The following KHSRP variants were observed in gnomAD, a reference collection of about 807,000 sequenced individuals.
KHSRP encodes KH-type splicing regulatory protein, also known as far upstream element-binding protein 2.
In KHSRP, 13 loss-of-function variants were observed where a neutral mutation model predicts 94.9. The observed-to-expected ratio is 0.14, with a 90% CI of 0.09 to 0.22. The LOEUF is 0.22. Ranked by LOEUF, KHSRP falls within the 10% of genes least tolerant of loss-of-function variation. The pLI is 1.00. For missense variants in KHSRP, 710 were observed against 1,010.0 expected, an observed-to-expected ratio of 0.70 and a Z score of 4.03; for synonymous variants, 495 against 401.4, an observed-to-expected ratio of 1.23 and a Z score of -2.79.
chr19:6,420,227 A>T lies in KHSRP; in HGVS notation c.476-83T>A, dbSNP rs2092186976. ...CAGGAGACTGTGTGGCCGGGGCCCCAGCCCCTCTGACGTTCAGGAGGGCAG... is the reference window on the plus strand; with the variant it reads ...CAGGAGACTGTGTGGCCGGGGCCCCTGCCCCTCTGACGTTCAGGAGGGCAG... On this transcript the variant is annotated intron_variant, in intron 5 of 18. Coordinates refer to ENST00000600480, the MANE Select transcript of KHSRP (RefSeq NM_001366299.1). 6.8e-6 allele frequency: 9 copies of T among 1,327,544 alleles called. No homozygotes were observed. In the East Asian group the frequency reaches 2.2e-4, roughly 32 times the overall value. The allele number at this position is 1,327,544 out of a possible 1,614,324, so 82.2% of individuals were successfully genotyped here.
rs2092150887 is a variant in KHSRP at position 6,416,891 on chromosome 19, C to CAAG, written c.1183-12_1183-10dup. ...GGACCTGGGGGACCACTCTGCAAGACAAGAGGAGGAGGAGGATGATGAACC... is the reference window on the plus strand; with the variant it reads ...GGACCTGGGGGACCACTCTGCAAGACAAGAAGAGGAGGAGGAGGATGATGAACC... On this transcript the variant is annotated splice_polypyrimidine_tract_variant and intron_variant, in intron 12 of 18. Coordinates refer to ENST00000600480, the MANE Select transcript of KHSRP (RefSeq NM_001366299.1). The CAAG allele has an allele frequency of 6.2e-7, 1 of 1,612,014 alleles. No individual in the cohort carries two copies. The highest frequency in any genetic ancestry group is 1.1e-5 in the South Asian group (1 of 91,010).
Position 6,413,935 on chromosome 19 carries a change from A to G in KHSRP, c.*1089T>C. 1 of 741,696 alleles carries G rather than the reference A, an allele frequency of 1.3e-6. No homozygotes were observed. Among genetic ancestry groups the G allele is most frequent in the Admixed American group, 3.2e-5 (1 of 30,800 alleles). The allele number at this position is 741,696 out of a possible 1,614,324, so 45.9% of individuals were successfully genotyped here. On this transcript the variant is annotated 3_prime_UTR_variant, in exon 19 of 19. Transcript: ENST00000600480. ...AAGCATGTGAGACACAGAACAGGCGAGAGAGTGAGGGCCCGGCATGCCCCC... is the reference window on the plus strand; with the variant it reads ...AAGCATGTGAGACACAGAACAGGCGGGAGAGTGAGGGCCCGGCATGCCCCC...
chr19:6,418,975 G>A lies in KHSRP; in HGVS notation c.606-99C>T. 2 of 1,305,852 alleles carry A rather than the reference G, an allele frequency of 1.5e-6. No homozygotes were observed. Among genetic ancestry groups the A allele is most frequent in the Non-Finnish European group, 1.0e-6 (1 of 976,110 alleles). The allele number at this position is 1,305,852 out of a possible 1,614,324, so 80.9% of individuals were successfully genotyped here. A position where few individuals can be genotyped will look rare whatever the true frequency, so the allele number is the denominator to read the frequency against. On this transcript the variant is annotated intron_variant, in intron 7 of 18. Transcript: ENST00000600480. This position sits in a 1 kb window ranked among gnomAD's most constrained non-coding sequence, Gnocchi z 4.3. ...CTCAAAGGGAAGGCGACCCCAGAGT[G>A]TGCAAGGATGACAGGGAAGAGGGGC... is the stretch of plus-strand genomic sequence containing the variant.
At chr19:6,419,119 T>G in intron 7 of KHSRP, 84 bp downstream of exon 7, 1 of 1,356,180 alleles carries the variant, frequency 7.4e-7, no homozygotes, top group South Asian at 1.3e-5. Flanking sequence ...GGCGTGCAAG[T>G]TGCTCCCAAC....
rs779028251 is a variant in KHSRP, at chr19:6,415,760, G to A, written c.1688-26C>T. ...CTGCAGGAGATACCTCGGGTGAGACGGGGGGACAGAACAGGGCCTGCCCTC... is the reference window on the plus strand; with the variant it reads ...CTGCAGGAGATACCTCGGGTGAGACAGGGGGACAGAACAGGGCCTGCCCTC... On this transcript the variant is annotated intron_variant, in intron 16 of 18. Coordinates refer to ENST00000600480, the MANE Select transcript of KHSRP (RefSeq NM_001366299.1). 5.2e-5 allele frequency: 81 copies of A among 1,551,372 alleles called. 1 individual carries two copies. In the East Asian group the frequency reaches 7.1e-4, roughly 14 times the overall value.
At chr19:6,421,235 G>T in intron 4 of KHSRP, 43 bp downstream of exon 4, 2 of 1,554,466 alleles carry the variant, frequency 1.3e-6, no homozygotes, top group South Asian at 2.4e-5. Flanking sequence ...CCAGTCTGCT[G>T]GCCAACAGAC....
Position 6,413,966 on chromosome 19 carries a change from C to A in KHSRP, c.*1058G>T, listed in dbSNP as rs2092120448. The stretch of plus-strand genomic sequence containing the variant: ...TGAGGGCCCGGCATGCCCCCAAGTC[C>A]CCCCCACCCTGCTTGCCGCGAGGGC... On this transcript the variant is annotated 3_prime_UTR_variant, in exon 19 of 19. Transcript: ENST00000600480. 11 of 992,444 alleles carry A rather than the reference C, an allele frequency of 1.1e-5. No homozygotes were observed. The highest frequency in any genetic ancestry group is 1.6e-5 in the Non-Finnish European group (11 of 703,380). The allele number at this position is 992,444 out of a possible 1,614,324, so 61.5% of individuals were successfully genotyped here.
chr19:6,423,171 C>T (rs1036820339), intron 1 of KHSRP, among the ~76,000 whole-genome samples: 8 of 152,118 alleles, frequency 5.3e-5, no homozygotes, highest in African/African-American at 1.9e-4. Flanking sequence ...CCCAGCTACT[C>T]GGGAGGCTGA....
chr19:6,423,746 C>T (rs2092209491), intron 1 of KHSRP, among the ~76,000 whole-genome samples: 1 of 152,202 alleles, frequency 6.6e-6, no homozygotes, highest in African/African-American at 2.4e-5. Flanking sequence ...CTACCGACCC[C>T]CACCCCTCCA....
rs777216353 is a variant in KHSRP, at chr19:6,418,949, G to A, written c.606-73C>T. ...AGGTACTGGTCTGGTGGCCCACCCA[G>A]CTCAAAGGGAAGGCGACCCCAGAGT... is the stretch of plus-strand genomic sequence containing the variant. On this transcript the variant is annotated intron_variant, in intron 7 of 18. Transcript: ENST00000600480. The surrounding 1 kb of genome is among the most constrained non-coding windows in gnomAD (Gnocchi z 4.3). 12 of 1,434,054 alleles carry A rather than the reference G, an allele frequency of 8.4e-6. No homozygotes were observed. Among genetic ancestry groups the A allele is most frequent in the Non-Finnish European group, 1.0e-5 (11 of 1,085,232 alleles). The allele number at this position is 1,434,054 out of a possible 1,614,324, so 88.8% of individuals were successfully genotyped here. A position where few individuals can be genotyped will look rare whatever the true frequency, so the allele number is the denominator to read the frequency against.
chr19:6,414,244 C>CGCTG lies in KHSRP; in HGVS notation c.*776_*779dup. ...GCCAGGAAGCCCCCTCCCAAACCTGCGCTGGCTCAGGCTGGAAGGACGTGC... is the reference window on the plus strand; with the variant it reads ...GCCAGGAAGCCCCCTCCCAAACCTGCGCTGGCTGGCTCAGGCTGGAAGGACGTGC... On this transcript the variant is annotated 3_prime_UTR_variant, in exon 19 of 19. Transcript: ENST00000600480. The CGCTG allele has an allele frequency of 6.7e-7, 1 of 1,497,506 alleles. No homozygotes were observed. Among genetic ancestry groups the CGCTG allele is most frequent in the Non-Finnish European group, 8.9e-7 (1 of 1,122,404 alleles). The allele number at this position is 1,497,506 out of a possible 1,614,324, so 92.8% of individuals were successfully genotyped here.
Position 6,415,792 on chromosome 19 carries a change from G to A in KHSRP, c.1687+16C>T, listed in dbSNP as rs1222999386. On this transcript the variant is annotated intron_variant, in intron 16 of 18. Transcript: ENST00000600480. ...CAGAACAGGGCCTGCCCTCCGCCAG[G>A]TGGCCCATCACTTACTTGGGTCATG... 1.6e-5 allele frequency: 25 copies of A among 1,560,862 alleles called. No individual in the cohort carries two copies. Among genetic ancestry groups the A allele is most frequent in the Non-Finnish European group, 2.2e-5 (25 of 1,153,134 alleles).
Position 6,413,416 on chromosome 19 carries a change from T to G in KHSRP, c.*1608A>C, listed in dbSNP as rs767842048. ...AAAAAGTAAAAACTGCCATACAATTTTTTTTGTTGTTCTCATTTTGTTTTC... is the reference window on the plus strand; with the variant it reads ...AAAAAGTAAAAACTGCCATACAATTGTTTTTGTTGTTCTCATTTTGTTTTC... On this transcript the variant is annotated 3_prime_UTR_variant, in exon 19 of 19. Transcript: ENST00000600480. 1 of 412,660 alleles carries G rather than the reference T, an allele frequency of 2.4e-6. No individual in the cohort carries two copies. The highest frequency in any genetic ancestry group is 1.7e-5 in the South Asian group (1 of 59,178). The allele number at this position is 412,660 out of a possible 1,614,324, so 25.6% of individuals were successfully genotyped here.
rs1161421704 is a variant in KHSRP at position 6,424,408 on chromosome 19, TGCGCGCGC to T, written c.249+37_249+44del. 2.1e-5 allele frequency: 17 copies of T among 819,350 alleles called. No individual in the cohort carries two copies. In the South Asian group the frequency reaches 5.6e-4, roughly 27 times the overall value. The allele number at this position is 819,350 out of a possible 1,614,324, so 50.8% of individuals were successfully genotyped here. ...CGTGACCCCCGCCCCCTCCCCCGCC[TGCGCGCGC>T]GCGCGAGCGCGCCCCTCAGGCCCTC... On this transcript the variant is annotated intron_variant, in intron 1 of 18. Transcript: ENST00000600480.
In KHSRP at chr19:6,418,233, G is replaced by A. The variant is rs989537069; in HGVS notation, c.880-154C>T. Among the ~76,000 whole-genome samples the A allele has an allele frequency of 1.3e-5, 2 of 152,080 alleles. No individual in the cohort carries two copies. The highest frequency in any genetic ancestry group is 2.4e-5 in the African/African-American group (1 of 41,390). On this transcript the variant is annotated intron_variant, in intron 9 of 18. Transcript: ENST00000600480. The surrounding 1 kb of genome is among the most constrained non-coding windows in gnomAD (Gnocchi z 4.3). ...AGCTCTCTACCTGCCACTTTAATGG[G>A]GAGGCACTACCAGCAGCCCCGTTTC...
At chr19:6,417,323 C>T (rs1211957198) in intron 11 of KHSRP, among the ~76,000 whole-genome samples, 1 of 152,230 alleles carries the variant, frequency 6.6e-6, no homozygotes, top group African/African-American at 2.4e-5. Flanking sequence ...ACAGCACCCC[C>T]AGCACTGAGA....
rs2092168692 is a variant in KHSRP, at chr19:6,418,317, A to C, written c.879+166T>G. ...GGTGCCTCACACACACAAAGCTGGGAGTCAGTTCAGGGCCATCCTACGAGC... is the reference window on the plus strand; with the variant it reads ...GGTGCCTCACACACACAAAGCTGGGCGTCAGTTCAGGGCCATCCTACGAGC... On this transcript the variant is annotated intron_variant, in intron 9 of 18. Transcript: ENST00000600480. The surrounding 1 kb of genome is among the most constrained non-coding windows in gnomAD (Gnocchi z 4.3). Among the ~76,000 whole-genome samples, 1 of 152,090 alleles carries C rather than the reference A, an allele frequency of 6.6e-6. No homozygotes were observed. Among genetic ancestry groups the C allele is most frequent in the Non-Finnish European group, 1.5e-5 (1 of 67,992 alleles).
chr19:6,413,407 C>T lies in KHSRP; in HGVS notation c.*1617G>A. 2.4e-6 allele frequency: 1 copy of T among 415,578 alleles called. No homozygotes were observed. Among genetic ancestry groups the T allele is most frequent in the African/African-American group, 2.1e-5 (1 of 46,870 alleles). The allele number at this position is 415,578 out of a possible 1,614,324, so 25.7% of individuals were successfully genotyped here. A position where few individuals can be genotyped will look rare whatever the true frequency, so the allele number is the denominator to read the frequency against. On this transcript the variant is annotated 3_prime_UTR_variant, in exon 19 of 19. Coordinates refer to ENST00000600480, the MANE Select transcript of KHSRP (RefSeq NM_001366299.1). ...ACGAGCGATAAAAAGTAAAAACTGC[C>T]ATACAATTTTTTTTGTTGTTCTCAT... is the stretch of plus-strand genomic sequence containing the variant.
chr19:6,422,189 G>A, intron 2 of KHSRP, 151 bp downstream of exon 2: 1 of 600,596 alleles, frequency 1.7e-6, no homozygotes, highest in South Asian at 2.0e-5. Context: ...ATGGCAGACG[G>A]AACAAGAAGA....
Sources: gnomAD v4.1 joint callset for allele counts (sites outside exome capture counted in the v4.1 genomes callset) on GRCh38, gnomAD v4.1.1 for gene constraint, Gnocchi (gnomAD v3.1) non-coding constraint, MANE v1.5 for transcripts, NCBI Gene and HGNC (gene_info 2026-07-23, HGNC 2026-07-21) for gene names.